The following HPN variants were observed in gnomAD, a reference collection of about 807,000 sequenced individuals.
HPN encodes the protein hepsin, also known as serine protease hepsin.
A neutral mutation model predicts 55.9 loss-of-function variants in HPN; 13 were observed. The observed-to-expected ratio is 0.23, with a 90% confidence interval of 0.15 to 0.37. HPN has a LOEUF of 0.37. Among genes scored for constraint, HPN ranks in the 10% least tolerant of loss-of-function variants. HPN has a pLI of 1.00. For missense variants in HPN, 451 were observed against 575.8 expected (o/e 0.78, Z 2.22); for synonymous variants, 225 against 240.3 (o/e 0.94, Z 0.59).
intron 4 of HPN, among the ~76,000 whole-genome samples, chr19:35,056,217 C>T (rs1298672707): frequency 3.3e-5 from 5 of 152,186 alleles, no homozygotes; most frequent in South Asian, 4.2e-4. Context: ...CCCTCCATGC[C>T]GGCACTCCCC....
chr19:35,064,138 A>G (rs896159140), intron 9 of HPN, among the ~76,000 whole-genome samples: 7 of 118,710 alleles, frequency 5.9e-5, no homozygotes, highest in Non-Finnish European at 1.3e-4. Flanking sequence ...AGACTCAGGC[A>G]GGTGATGTCA....
At chr19:35,056,000 ACT>A in intron 4 of HPN, among the ~76,000 whole-genome samples, 1 of 151,560 alleles carries the variant, frequency 6.6e-6, no homozygotes, top group South Asian at 2.1e-4. Context: ...TCCCTGGCTC[ACT>A]CTGCTCTGGC....
At chr19:35,041,968 G>A in intron 1 of HPN, 96 bp downstream of exon 1, 14 of 1,203,692 alleles carry the variant, frequency 1.2e-5, no homozygotes, top group Non-Finnish European at 1.5e-5. Context: ...CTAATAGAGG[G>A]GTTCCTGGGG....
At chr19:35,048,529 G>A (rs1281748382) in intron 2 of HPN, among the ~76,000 whole-genome samples, 1 of 152,142 alleles carries the variant, frequency 6.6e-6, no homozygotes, top group Non-Finnish European at 1.5e-5. Context: ...TAATAGATAA[G>A]AAAGTTGAGG....
chr19:35,062,067 GAAGA>G (rs371721909), intron 9 of HPN, among the ~76,000 whole-genome samples: 3 of 139,840 alleles, frequency 2.1e-5, no homozygotes, highest in South Asian at 2.2e-4. Context: ...GTTAAAAAAA[GAAGA>G]AAGAAAGAAA....
At chr19:35,058,814 T>C (rs1306286735) in intron 4 of HPN, among the ~76,000 whole-genome samples, 1 of 151,630 alleles carries the variant, frequency 6.6e-6, no homozygotes, top group Non-Finnish European at 1.5e-5. Context: ...CAAAGACAAA[T>C]GGAAAAAGAC....
intron 4 of HPN, among the ~76,000 whole-genome samples, chr19:35,050,914 C>CTTTTTTTTT (rs5827917): frequency 1.5e-3 from 133 of 90,440 alleles, no homozygotes; most frequent in African/African-American, 2.0e-3. Context: ...TTCTTTCTTT[C>CTTTTTTTTT]TTTTTTTTTT....
In HPN at chr19:35,059,903, G is replaced by A; in HGVS notation, c.320G>A (p.Arg107Gln). The A allele has an allele frequency of 1.3e-6, 2 of 1,496,934 alleles. No individual in the cohort carries two copies. Among genetic ancestry groups the A allele is most frequent in the South Asian group, 1.4e-5 (1 of 73,872 alleles). 92.7% of individuals were successfully genotyped at this position (1,496,934 alleles called of 1,614,324 possible). The change falls in exon 6 of 13, where the codon CGA becomes CAA. Residue 107 changes from arginine to glutamine, a missense_variant. Coordinates refer to ENST00000672452, the MANE Select transcript of HPN (RefSeq NM_001384133.1). The part of the protein sequence containing the change: ...RALTHSELDV[R>Q]TAGANGTSGF... ...CTGACCCACTCCGAGCTGGACGTGC[G>A]AACGGCGGGCGCCAATGGCACGTCG...
chr19:35,055,168 G>A (rs2064442378), intron 4 of HPN, among the ~76,000 whole-genome samples: 1 of 152,060 alleles, frequency 6.6e-6, no homozygotes. Flanking sequence ...AATTTAAAAG[G>A]CGTTTTTAGC....
intron 9 of HPN, among the ~76,000 whole-genome samples, chr19:35,062,101 G>C (rs530882796): frequency 1.3e-5 from 2 of 151,516 alleles, no homozygotes; most frequent in South Asian, 2.1e-4. Flanking sequence ...AAGAAAGGAA[G>C]GAAGGAAGAA....
At chr19:35,042,412 G>A in intron 1 of HPN, 41 bp from the exon 2 acceptor site, 1 of 1,529,948 alleles carries the variant, frequency 6.5e-7, no homozygotes, top group Non-Finnish European at 8.8e-7. Flanking sequence ...GGGCTGGGCT[G>A]GGCTCCCCCA....
At chr19:35,061,578 A>G (rs761311021) in intron 9 of HPN, among the ~76,000 whole-genome samples, 8 of 152,178 alleles carry the variant, frequency 5.3e-5, no homozygotes, top group Non-Finnish European at 1.2e-4. Context: ...TGGCTGACAG[A>G]GCAAGGCTCT....
chr19:35,048,028 AAAAGAAAGAAAGAAAGAAAGAAAGAAAG>A (rs1555722914), intron 2 of HPN, among the ~76,000 whole-genome samples: 1 of 87,396 alleles, frequency 1.1e-5, no homozygotes, highest in Non-Finnish European at 2.3e-5. Context: ...GAGAGAGAGA[AAAAGAAAGAAAGAAAGAAAGAAAGAAAG>A]AAAGAAAGAA....
At chr19:35,052,745 G>A (rs893079066) in intron 4 of HPN, among the ~76,000 whole-genome samples, 17 of 152,084 alleles carry the variant, frequency 1.1e-4, no homozygotes, top group Admixed American at 3.9e-4. Flanking sequence ...ATTTACTCCT[G>A]GCGAACTCCA....
intron 4 of HPN, among the ~76,000 whole-genome samples, chr19:35,057,467 T>C (rs1293743813): frequency 6.6e-6 from 1 of 151,718 alleles, no homozygotes; most frequent in Non-Finnish European, 1.5e-5. Flanking sequence ...TGAATTCCGA[T>C]ATTAAAAATT....
intron 1 of HPN, 152 bp downstream of exon 1, chr19:35,042,024 T>C (rs1289138670): frequency 1.2e-5 from 14 of 1,156,290 alleles, no homozygotes; most frequent in Non-Finnish European, 1.5e-5. Flanking sequence ...ACCTAGGTGT[T>C]CTGTCCTGCT....
chr19:35,043,985 G>A (rs532487617), intron 2 of HPN, among the ~76,000 whole-genome samples: 30 of 152,372 alleles, frequency 2.0e-4, no homozygotes, highest in African/African-American at 4.8e-4. Context: ...TGTGGAGGTC[G>A]AACCTGGACA....
Position 35,060,488 on chromosome 19 carries a change from T to C in HPN, c.596T>C (p.Leu199Pro). The change falls in exon 8 of 13, where the codon CTG becomes CCG. Residue 199 changes from leucine (L) to proline (P), a missense_variant. Leu to Pro is a moderately conservative substitution (Grantham distance 98, BLOSUM62 -3). This residue lies in a region of HPN where 378 missense variants were observed against 445.5 expected (regional missense o/e 0.85). Coordinates refer to ENST00000672452, the MANE Select transcript of HPN (RefSeq NM_001384133.1). ...TCCCTGCTCTCCGGGGACTGGGTGCTGACAGCCGCCCACTGCTTCCCGGAG... is the reference window on the plus strand; with the variant it reads ...TCCCTGCTCTCCGGGGACTGGGTGCCGACAGCCGCCCACTGCTTCCCGGAG... ...GGSLLSGDWV[L>P]TAAHCFPERN... 6.2e-7 allele frequency: 1 copy of C among 1,613,200 alleles called. No individual in the cohort carries two copies. Among genetic ancestry groups the C allele is most frequent in the Non-Finnish European group, 8.5e-7 (1 of 1,179,934 alleles).
rs746837784 is a variant in HPN, at chr19:35,041,791, C to T, written c.-136C>T. The T allele has an allele frequency of 7.5e-7, 1 of 1,327,902 alleles. No individual in the cohort carries two copies. The allele number at this position is 1,327,902 out of a possible 1,614,324, so 82.3% of individuals were successfully genotyped here. A position where few individuals can be genotyped will look rare whatever the true frequency, so the allele number is the denominator to read the frequency against. On this transcript the variant is annotated 5_prime_UTR_variant, in exon 1 of 13. Coordinates refer to ENST00000672452, the MANE Select transcript of HPN (RefSeq NM_001384133.1). ...TCCAGGCCGCCCGCTGCTGCGGGGC[C>T]ACCATGCTCCTGCCCAGGCCTGGAG...
Sources: gnomAD v4.1 joint callset for allele counts (sites outside exome capture counted in the v4.1 genomes callset) on GRCh38, gnomAD v4.1.1 for gene constraint, gnomAD v4.1.1 regional missense constraint, MANE v1.5 for transcripts, NCBI Gene and HGNC (gene_info 2026-07-23, HGNC 2026-07-21) for gene names.